Variants in FREM1 observed in about 807,000 individuals in gnomAD.
FREM1 encodes the protein FRAS1-related extracellular matrix protein 1.
FREM1 carries 220 observed loss-of-function variants against 210.1 expected under a neutral mutation model. That is an observed-to-expected ratio of 1.05 (90% confidence interval 0.94 to 1.17). The LOEUF (loss-of-function observed/expected upper bound fraction) is 1.17. Among genes scored for constraint, FREM1 ranks in the 50% most tolerant of loss-of-function variants. The pLI, the probability that FREM1 is intolerant of heterozygous loss-of-function variation, is 0.00. For missense variants in FREM1, 3,454 were observed against 2,675.5 expected, an observed-to-expected ratio of 1.29 and a Z score of -6.42; for synonymous variants, 1,189 against 980.2, an observed-to-expected ratio of 1.21 and a Z score of -3.98.
intron 1 of FREM1, among the ~76,000 whole-genome samples, chr9:14,875,935 G>A (rs577440763): frequency 2.0e-5 from 3 of 152,286 alleles, no homozygotes; most frequent in South Asian, 2.1e-4. Flanking sequence ...TTTGCTAGAG[G>A]TCCACTCTAG....
chr9:14,806,267 T>TG (rs1230145211), intron 18 of FREM1, among the ~76,000 whole-genome samples: 2 of 116,428 alleles, frequency 1.7e-5, no homozygotes, highest in African/African-American at 5.5e-5. Flanking sequence ...TTTTTTTTTT[T>TG]TTTTGAGACG....
intron 27 of FREM1, among the ~76,000 whole-genome samples, chr9:14,765,926 A>C (rs1846313350): frequency 6.6e-6 from 1 of 152,228 alleles, no homozygotes; most frequent in Admixed American, 6.5e-5. Flanking sequence ...AGTTGGCCAC[A>C]TTCTGTGGTC....
chr9:14,905,611 G>A (rs1009808316), intron 1 of FREM1, among the ~76,000 whole-genome samples: 6 of 152,082 alleles, frequency 3.9e-5, no homozygotes, highest in African/African-American at 9.7e-5. Flanking sequence ...AGTGAGGGTC[G>A]GGGGCAGTGG....
intron 24 of FREM1, among the ~76,000 whole-genome samples, chr9:14,778,999 A>G (rs1355461529): frequency 2.6e-5 from 4 of 152,240 alleles, no homozygotes; most frequent in Non-Finnish European, 5.9e-5. Context: ...ATTTTTAGGT[A>G]TAAAATTATG....
At chr9:14,860,388 T>C (rs1316423146) in intron 3 of FREM1, among the ~76,000 whole-genome samples, 3 of 151,860 alleles carry the variant, frequency 2.0e-5, no homozygotes, top group African/African-American at 7.3e-5. Flanking sequence ...AAGAAGCTCC[T>C]CTAACCCTGC....
chr9:14,907,511 G>C (rs1448398199), intron 1 of FREM1, among the ~76,000 whole-genome samples: 1 of 152,172 alleles, frequency 6.6e-6, no homozygotes, highest in Non-Finnish European at 1.5e-5. Flanking sequence ...AGACCACCCA[G>C]CTCTCCAAAG....
intron 27 of FREM1, among the ~76,000 whole-genome samples, chr9:14,769,135 T>G (rs1192761719): frequency 6.6e-6 from 1 of 152,186 alleles, no homozygotes; most frequent in Non-Finnish European, 1.5e-5. Flanking sequence ...TTTTGAAGAT[T>G]TGTTACTCTT....
At chr9:14,789,429 G>C (rs1723765810) in intron 22 of FREM1, among the ~76,000 whole-genome samples, 1 of 152,176 alleles carries the variant, frequency 6.6e-6, no homozygotes, top group Non-Finnish European at 1.5e-5. Flanking sequence ...TTAATAAGAG[G>C]AGGTGGGTAA....
chr9:14,809,233 A>G (rs1449260763), intron 16 of FREM1, among the ~76,000 whole-genome samples: 9 of 152,180 alleles, frequency 5.9e-5, no homozygotes. Context: ...TGCCATGATC[A>G]TGAGGCTTCC....
At chr9:14,804,900 G>T in intron 19 of FREM1, 56 bp downstream of exon 19, 1 of 1,379,008 alleles carries the variant, frequency 7.3e-7, no homozygotes, top group East Asian at 2.3e-5. Context: ...TGGACTAATT[G>T]AAAATAAAAA....
chr9:14,825,547 G>GTGTGTGTGTGTATATA lies in FREM1; in HGVS notation c.1882-556_1882-555insTATATACACACACACA. 7.8e-4 allele frequency among the ~76,000 whole-genome samples: 59 copies of GTGTGTGTGTGTATATA among 75,902 alleles called. 2 individuals are homozygous for GTGTGTGTGTGTATATA. The highest frequency in any genetic ancestry group is 9.2e-4 in the East Asian group (3 of 3,264). The allele number at this position is 75,902 out of a possible 152,430, so 49.8% of individuals were successfully genotyped here. A position where few individuals can be genotyped will look rare whatever the true frequency, so the allele number is the denominator to read the frequency against. On this transcript the variant is annotated intron_variant, in intron 10 of 36. Transcript: ENST00000380880. Reference sequence around the variant, plus strand: ...CATATATATATATATGTGTGTGTGTGTATATATATATATATATATATATAC... The same window carrying GTGTGTGTGTGTATATA: ...CATATATATATATATGTGTGTGTGTGTGTGTGTGTGTATATATATATATATATATATATATATATAC...
Position 14,863,892 on chromosome 9 carries a change from G to T in FREM1, c.246C>A (p.Cys82Ter). The T allele has an allele frequency of 6.2e-7, 1 of 1,605,058 alleles. No individual in the cohort carries two copies. Among genetic ancestry groups the T allele is most frequent in the Non-Finnish European group, 8.5e-7 (1 of 1,171,930 alleles). Residue 82 changes from cysteine (C) to a stop codon, truncating the protein, a stop_gained, in exon 3 of 37, where the codon TGC becomes TGA. Coordinates refer to ENST00000380880, the MANE Select transcript of FREM1 (RefSeq NM_001379081.2). LOFTEE classifies it high-confidence loss of function. ...ACTTGACTTCGTTGGGAAGGAAATG[G>T]CAGTCAAAGACCTAGTTCACATGAA... ...VGKLTPQVFD[C>*]HFLPNEVKYV...
chr9:14,826,053 C>G (rs1450299014), intron 10 of FREM1, among the ~76,000 whole-genome samples: 1 of 151,470 alleles, frequency 6.6e-6, no homozygotes, highest in Non-Finnish European at 1.5e-5. Flanking sequence ...TATCCAAACT[C>G]CTTAGCATGG....
chr9:14,787,382 G>A (rs1850587632), intron 23 of FREM1, among the ~76,000 whole-genome samples: 2 of 152,180 alleles, frequency 1.3e-5, no homozygotes, highest in South Asian at 4.1e-4. Context: ...TGTCTACTCG[G>A]TATAGGTTTT....
chr9:14,837,025 T>G lies in FREM1; in HGVS notation c.1881+4422A>C, dbSNP rs529995072. On this transcript the variant is annotated intron_variant, in intron 10 of 36. Transcript: ENST00000380880. ...TTAGTCAGGTGGGCAACCTTTGATA[T>G]GCAAATGCCGGCCATTAGAAACTGG... Among the ~76,000 whole-genome samples the G allele has an allele frequency of 3.0e-4, 45 of 152,336 alleles. No individual in the cohort carries two copies. The South Asian group carries it at 3.1e-3, about 11-fold the overall frequency.
At chr9:14,849,171 G>A (rs1436028925) in intron 6 of FREM1, among the ~76,000 whole-genome samples, 1 of 152,082 alleles carries the variant, frequency 6.6e-6, no homozygotes, top group Non-Finnish European at 1.5e-5. Context: ...ATGTCTGGAG[G>A]CATTTTTAAT....
intron 22 of FREM1, chr9:14,790,537 A>T (rs1005816452): frequency 6.6e-6 from 1 of 152,212 alleles, no homozygotes; most frequent in East Asian, 1.9e-4. Context: ...AAGTAAGCAC[A>T]GAAGAAGACA....
chr9:14,875,085 C>T (rs1243500805), intron 1 of FREM1, among the ~76,000 whole-genome samples: 1 of 152,198 alleles, frequency 6.6e-6, no homozygotes, highest in Non-Finnish European at 1.5e-5. Flanking sequence ...ACCTTTCTCT[C>T]TGGCTGCCCT....
At chr9:14,849,132 G>A (rs568296342) in intron 6 of FREM1, among the ~76,000 whole-genome samples, 6 of 152,248 alleles carry the variant, frequency 3.9e-5, no homozygotes, top group African/African-American at 1.4e-4. Context: ...AACTAGGGGT[G>A]ATGTTGTCCC....
Sources: gnomAD v4.1 joint callset for allele counts (sites outside exome capture counted in the v4.1 genomes callset) on GRCh38, gnomAD v4.1.1 for gene constraint, MANE v1.5 for transcripts, NCBI Gene and HGNC (gene_info 2026-07-23, HGNC 2026-07-21) for gene names.